The following PHKB variants were observed in gnomAD, a reference collection of about 807,000 sequenced individuals.
The protein encoded by PHKB is phosphorylase kinase regulatory subunit beta, also known as phosphorylase b kinase regulatory subunit beta.
PHKB carries 122 observed loss-of-function variants against 152.1 expected under a neutral mutation model. That is an observed-to-expected ratio of 0.80 (90% CI 0.69 to 0.93). The LOEUF (loss-of-function observed/expected upper bound fraction) is 0.93, where lower values mean the gene tolerates loss of function less well. Ranked by LOEUF, PHKB falls within the 40% of genes least tolerant of loss-of-function variation. The pLI is 0.00. For synonymous variants in PHKB, 436 were observed against 464.9 expected (o/e 0.94, Z 0.80); for missense variants, 1,304 against 1,328.4 (o/e 0.98, Z 0.29).
At chr16:47,473,902 A>G (rs994314076) in intron 1 of PHKB, among the ~76,000 whole-genome samples, 3 of 152,184 alleles carry the variant, frequency 2.0e-5, no homozygotes, top group African/African-American at 4.8e-5. Context: ...TCTTCTAGCA[A>G]TTTTGAAATA....
intron 20 of PHKB, among the ~76,000 whole-genome samples, chr16:47,659,748 A>C (rs905130654): frequency 6.6e-6 from 1 of 152,276 alleles, no homozygotes; most frequent in Non-Finnish European, 1.5e-5. Flanking sequence ...GTATCCTATC[A>C]TTGGATGGCC....
At chr16:47,679,920 C>G (rs1320921696) in intron 26 of PHKB, among the ~76,000 whole-genome samples, 1 of 152,146 alleles carries the variant, frequency 6.6e-6, no homozygotes, top group Non-Finnish European at 1.5e-5. Context: ...ATAGATAGCT[C>G]TTATTATTTT....
chr16:47,537,340 A>G (rs1195794254), intron 6 of PHKB, among the ~76,000 whole-genome samples: 1 of 152,248 alleles, frequency 6.6e-6, no homozygotes, highest in African/African-American at 2.4e-5. Flanking sequence ...AGGGCTGAAG[A>G]AAGCAGAAAC....
chr16:47,680,597 G>A (rs1973832091), intron 26 of PHKB, among the ~76,000 whole-genome samples: 1 of 152,144 alleles, frequency 6.6e-6, no homozygotes, highest in South Asian at 2.1e-4. Flanking sequence ...TTGTATTTCT[G>A]TGGGATCGGT....
chr16:47,475,738 A>T (rs554678193), intron 1 of PHKB, among the ~76,000 whole-genome samples: 9 of 150,068 alleles, frequency 6.0e-5, no homozygotes, highest in African/African-American at 2.3e-4. Context: ...AAATAATCTT[A>T]ATTAAGCAGC....
At chr16:47,576,036 A>T (rs1597097312) in intron 7 of PHKB, among the ~76,000 whole-genome samples, 1 of 152,190 alleles carries the variant, frequency 6.6e-6, no homozygotes, top group Non-Finnish European at 1.5e-5. Flanking sequence ...AGATCGCGCC[A>T]TTGCACTCCA....
intron 1 of PHKB, among the ~76,000 whole-genome samples, chr16:47,493,976 C>T (rs558290237): frequency 6.6e-6 from 1 of 152,286 alleles, no homozygotes; most frequent in South Asian, 2.1e-4. Flanking sequence ...AGCTTCACTT[C>T]CAACCTCAAC....
intron 4 of PHKB, among the ~76,000 whole-genome samples, chr16:47,503,840 GA>G (rs1269129279): frequency 6.6e-6 from 1 of 150,694 alleles, no homozygotes; most frequent in Non-Finnish European, 1.5e-5. Context: ...AAAACAAAAA[GA>G]AAAAAAAGAA....
chr16:47,503,744 G>A (rs771814879), intron 4 of PHKB, among the ~76,000 whole-genome samples: 7 of 151,992 alleles, frequency 4.6e-5, no homozygotes, highest in South Asian at 2.1e-4. Context: ...CAGGAGAATC[G>A]CTTGAACCTG....
At chr16:47,558,244 AG>A (rs1218165662) in intron 7 of PHKB, among the ~76,000 whole-genome samples, 1 of 80,516 alleles carries the variant, frequency 1.2e-5, no homozygotes, top group Non-Finnish European at 2.3e-5. Flanking sequence ...GGGTCGGGGG[AG>A]GGGGGAGGGA....
intron 1 of PHKB, among the ~76,000 whole-genome samples, chr16:47,483,385 C>A (rs1253912833): frequency 6.6e-6 from 1 of 152,088 alleles, no homozygotes; most frequent in African/African-American, 2.4e-5. Context: ...TAGTGAAGTT[C>A]TTTTCCCCTC....
At chr16:47,497,212 A>G (rs1310916146) in intron 1 of PHKB, among the ~76,000 whole-genome samples, 187 bp from the exon 2 acceptor site, 1 of 152,112 alleles carries the variant, frequency 6.6e-6, no homozygotes, top group Non-Finnish European at 1.5e-5. Context: ...TTCTGTATTT[A>G]TTTTCAAAGG....
At chr16:47,490,298 A>C (rs924664537) in intron 1 of PHKB, among the ~76,000 whole-genome samples, 2 of 152,232 alleles carry the variant, frequency 1.3e-5, no homozygotes, top group African/African-American at 4.8e-5. Context: ...AGAAGACAAC[A>C]ATTATCTGTG....
At chr16:47,491,770 T>A (rs1270802145) in intron 1 of PHKB, among the ~76,000 whole-genome samples, 1 of 152,190 alleles carries the variant, frequency 6.6e-6, no homozygotes, top group Non-Finnish European at 1.5e-5. Flanking sequence ...CCCTAAATTC[T>A]GAGAGGGATT....
intron 10 of PHKB, among the ~76,000 whole-genome samples, chr16:47,590,004 C>T (rs1390124994): frequency 2.0e-5 from 3 of 152,114 alleles, no homozygotes; most frequent in Non-Finnish European, 2.9e-5. Flanking sequence ...GTTGGCCAGG[C>T]TGGTCTTCAA....
In PHKB at chr16:47,650,737, G is replaced by A. The variant is rs187393106; in HGVS notation, c.1881-94G>A. 150 of 1,234,292 alleles carry A rather than the reference G, an allele frequency of 1.2e-4. No individual in the cohort carries two copies. The East Asian group carries it at 3.4e-3, about 28-fold the overall frequency. 76.5% of individuals were successfully genotyped at this position (1,234,292 alleles called of 1,614,324 possible). On this transcript the variant is annotated intron_variant, in intron 19 of 30. Transcript: ENST00000323584. ...TTTGTATCCTTCTTAGTATGTGGTG[G>A]AATACTTTGTATATATAAGGGGCAC...
At chr16:47,555,550 G>A (rs143751023) in intron 7 of PHKB, among the ~76,000 whole-genome samples, 4 of 152,260 alleles carry the variant, frequency 2.6e-5, no homozygotes, top group Non-Finnish European at 5.9e-5. Context: ...GTACCATCTT[G>A]CAATAATCAA....
intron 6 of PHKB, among the ~76,000 whole-genome samples, chr16:47,540,556 G>A (rs1971036325): frequency 1.3e-5 from 2 of 151,898 alleles, no homozygotes; most frequent in South Asian, 2.1e-4. Context: ...GATATGTGAT[G>A]TCACCCCTGG....
intron 1 of PHKB, among the ~76,000 whole-genome samples, chr16:47,491,736 A>G (rs1053713898): frequency 6.6e-6 from 1 of 152,234 alleles, no homozygotes; most frequent in Non-Finnish European, 1.5e-5. Flanking sequence ...AATGCCAGAT[A>G]ACACAATGCA....
Sources: gnomAD v4.1 joint callset for allele counts (sites outside exome capture counted in the v4.1 genomes callset) on GRCh38, gnomAD v4.1.1 for gene constraint, MANE v1.5 for transcripts, NCBI Gene and HGNC (gene_info 2026-07-23, HGNC 2026-07-21) for gene names.